PCDH11X: variants seen among roughly 807,000 people sequenced by gnomAD.
PCDH11X encodes protocadherin 11 X-linked.
Under a neutral mutation model 53.3 loss-of-function variants are expected in PCDH11X, and 18 were observed. The ratio of observed to expected loss-of-function variants is 0.34; its 90% confidence interval spans 0.23 to 0.50. The LOEUF is 0.50. PCDH11X is among the 20% of genes least tolerant of loss of function. The pLI is 0.98. For missense variants in PCDH11X, 570 were observed against 1,032.4 expected, an observed-to-expected ratio of 0.55 and a Z score of 6.14; for synonymous variants, 279 against 393.3, an observed-to-expected ratio of 0.71 and a Z score of 3.44.
chrX:92,510,243 G>T (rs1404483721), intron 10 of PCDH11X, among the ~76,000 whole-genome samples: 1 of 101,931 alleles, frequency 9.8e-6, no homozygotes, highest in Non-Finnish European at 2.0e-5. Context: ...TGTCTATAGA[G>T]GTATCCTAAT....
At chrX:91,972,476 T>G (rs12845328) in intron 6 of PCDH11X, among the ~76,000 whole-genome samples, 7 of 107,138 alleles carry the variant, frequency 6.5e-5, no homozygotes, top group African/African-American at 2.1e-4. Flanking sequence ...GTCAATTTTG[T>G]CTTTTGTTGC....
rs767863394 is a variant in PCDH11X, at chrX:92,424,318, C to T, written c.3343+36385C>T. Among the ~76,000 whole-genome samples the T allele has an allele frequency of 1.3e-4, 12 of 94,685 alleles. No homozygotes were observed. In the East Asian group the frequency reaches 2.7e-3, roughly 22 times the overall value. The allele number at this position is 94,685 out of a possible 115,157, so 82.2% of individuals were successfully genotyped here. On this transcript the variant is annotated intron_variant, in intron 9 of 10. Transcript: ENST00000682573. Reference sequence around the variant, plus strand: ...TGATTTTTTTCTTTATTTGTTTAACCGGCAGTTGTTCTAGTATCTGTTAAA... The same window carrying T: ...TGATTTTTTTCTTTATTTGTTTAACTGGCAGTTGTTCTAGTATCTGTTAAA...
At chrX:92,473,026 A>C (rs1452240960) in intron 10 of PCDH11X, among the ~76,000 whole-genome samples, 2 of 104,973 alleles carry the variant, frequency 1.9e-5, no homozygotes, top group Non-Finnish European at 1.9e-5. Flanking sequence ...GGCTGAAAAA[A>C]TGTGTTTTTT....
intron 8 of PCDH11X, among the ~76,000 whole-genome samples, chrX:92,275,536 A>G (rs1730951848): frequency 9.0e-6 from 1 of 111,386 alleles, no homozygotes. Flanking sequence ...AAGGAATAGT[A>G]AAGAAAGCAT....
At chrX:91,950,903 G>A (rs1007559085) in intron 6 of PCDH11X, among the ~76,000 whole-genome samples, 2 of 108,896 alleles carry the variant, frequency 1.8e-5, no homozygotes, top group African/African-American at 6.6e-5. Flanking sequence ...CTTGAAAAAT[G>A]GGATATTTTA....
At chrX:92,149,242 C>T (rs1250457782) in intron 6 of PCDH11X, among the ~76,000 whole-genome samples, 1 of 109,006 alleles carries the variant, frequency 9.2e-6, no homozygotes, top group Non-Finnish European at 1.9e-5. Flanking sequence ...GCAACTGAAT[C>T]AGATTTAGAG....
chrX:92,538,833 T>C, intron 10 of PCDH11X, among the ~76,000 whole-genome samples: 1 of 104,395 alleles, frequency 9.6e-6, no homozygotes, highest in Non-Finnish European at 2.0e-5. Flanking sequence ...GTTATAATAT[T>C]CTGTGGTTTT....
intron 8 of PCDH11X, among the ~76,000 whole-genome samples, chrX:92,373,625 A>G (rs374256952): frequency 1.8e-5 from 2 of 111,939 alleles, no homozygotes; most frequent in African/African-American, 6.5e-5. Context: ...TAACTCTTAA[A>G]AGGATGCTTC....
chrX:91,835,054 C>A (rs1937244806), intron 4 of PCDH11X: 7 of 734,491 alleles, frequency 9.5e-6, no homozygotes, highest in Non-Finnish European at 1.2e-5. Flanking sequence ...GCATTTTAAA[C>A]CCATATTATA....
At chrX:92,393,834 G>C (rs2071185279) in intron 9 of PCDH11X, among the ~76,000 whole-genome samples, 1 of 110,944 alleles carries the variant, frequency 9.0e-6, no homozygotes, top group African/African-American at 3.3e-5. Flanking sequence ...AGTGACAGTA[G>C]TTTTTATAAT....
intron 6 of PCDH11X, chrX:92,113,673 T>C (rs1602961724): frequency 2.5e-6 from 3 of 1,202,089 alleles, no homozygotes; most frequent in African/African-American, 1.8e-5. Flanking sequence ...ACAAGTCACA[T>C]AGTGTGTCCA....
chrX:92,352,038 T>C (rs746314531), intron 8 of PCDH11X, among the ~76,000 whole-genome samples: 23 of 111,928 alleles, frequency 2.1e-4, no homozygotes, highest in Non-Finnish European at 3.4e-4. Flanking sequence ...CTATTTCCAG[T>C]TGCCCTACAA....
chrX:92,474,756 T>A (rs1231753824), intron 10 of PCDH11X, among the ~76,000 whole-genome samples: 1 of 102,106 alleles, frequency 9.8e-6, no homozygotes, highest in Non-Finnish European at 2.0e-5. Flanking sequence ...TACATTTTAT[T>A]ACCCTACTTT....
At chrX:92,527,522 G>A (rs1355645134) in intron 10 of PCDH11X, among the ~76,000 whole-genome samples, 1 of 110,496 alleles carries the variant, frequency 9.1e-6, no homozygotes, top group African/African-American at 3.3e-5. Context: ...ATTACACATG[G>A]TATTATTAAC....
Position 92,572,831 on chromosome X carries a change from C to A in PCDH11X, c.3368-45433C>A, listed in dbSNP as rs775762671. Among the ~76,000 whole-genome samples the A allele has an allele frequency of 5.0e-5, 5 of 100,774 alleles. No individual in the cohort carries two copies. The East Asian group carries it at 1.4e-3, about 28-fold the overall frequency. The allele number at this position is 100,774 out of a possible 115,157, so 87.5% of individuals were successfully genotyped here. On this transcript the variant is annotated intron_variant, in intron 10 of 10. Transcript: ENST00000682573. Reference sequence around the variant, plus strand: ...TCTGGGAGGCAGAGGTTTCAATGAGCCGAGATCACGGCACTGCACTTTAGC... The same window carrying A: ...TCTGGGAGGCAGAGGTTTCAATGAGACGAGATCACGGCACTGCACTTTAGC...
chrX:92,445,007 G>T lies in PCDH11X; in HGVS notation c.3344-23292G>T, dbSNP rs1377622472. On this transcript the variant is annotated intron_variant, in intron 9 of 10. Coordinates refer to ENST00000682573, the MANE Select transcript of PCDH11X (RefSeq NM_032968.5). ...ATGTCTGTGTTTATCAAGAATATTG[G>T]CCTACAGTTTCCTTTTCTTATTGTG... Among the ~76,000 whole-genome samples, 4 of 96,000 alleles carry T rather than the reference G, an allele frequency of 4.2e-5. No individual in the cohort carries two copies. The East Asian group carries it at 1.3e-3, about 32-fold the overall frequency. The allele number at this position is 96,000 out of a possible 115,157, so 83.4% of individuals were successfully genotyped here.
chrX:92,069,427 A>T (rs34418727), intron 6 of PCDH11X, among the ~76,000 whole-genome samples: 15 of 109,240 alleles, frequency 1.4e-4, no homozygotes, highest in African/African-American at 4.7e-4. Context: ...AATCAGTTCA[A>T]CCACTCTGTC....
intron 9 of PCDH11X, among the ~76,000 whole-genome samples, chrX:92,419,585 G>A (rs2071905506): frequency 1.1e-5 from 1 of 93,566 alleles, no homozygotes; most frequent in Non-Finnish European, 2.1e-5. Context: ...ATTTATTGAT[G>A]TTATTGGATT....
At chrX:92,508,812 T>TA in intron 10 of PCDH11X, among the ~76,000 whole-genome samples, 1 of 108,926 alleles carries the variant, frequency 9.2e-6, no homozygotes, top group African/African-American at 3.3e-5. Flanking sequence ...ATTAAGATCA[T>TA]AAAAATTAAT....
Sources: allele counts gnomAD v4.1 joint callset (sites outside exome capture counted in the v4.1 genomes callset), GRCh38; gene constraint gnomAD v4.1.1; transcripts MANE v1.5; gene names NCBI Gene and HGNC (gene_info 2026-07-23, HGNC 2026-07-21).